The following CLSTN2 variants were observed in gnomAD, a reference collection of about 807,000 sequenced individuals.
CLSTN2 encodes calsyntenin-2.
A neutral mutation model predicts 101.2 loss-of-function variants in CLSTN2; 48 were observed. The ratio of observed to expected loss-of-function variants is 0.47; its 90% confidence interval spans 0.38 to 0.60. The LOEUF is 0.60. Ranked by LOEUF, CLSTN2 falls within the 20% of genes least tolerant of loss-of-function variation. The probability of loss-of-function intolerance (pLI) is 0.00; values close to 1 mark genes in which losing one functional copy is unlikely to be tolerated. For missense variants in CLSTN2, 1,160 were observed against 1,238.2 expected, an observed-to-expected ratio of 0.94 and a Z score of 0.95; for synonymous variants, 481 against 463.6, an observed-to-expected ratio of 1.04 and a Z score of -0.48.
intron 1 of CLSTN2, among the ~76,000 whole-genome samples, chr3:140,011,139 C>T (rs941027693): frequency 2.0e-5 from 3 of 152,198 alleles, no homozygotes; most frequent in African/African-American, 4.8e-5. Flanking sequence ...GGGACCCACC[C>T]CAGAGGGCTC....
chr3:140,448,086 G>A (rs1165583584), intron 5 of CLSTN2, among the ~76,000 whole-genome samples: 1 of 152,224 alleles, frequency 6.6e-6, no homozygotes, highest in African/African-American at 2.4e-5. Flanking sequence ...CCTCTGGTGT[G>A]TTGTTGTGAA....
chr3:140,006,106 G>C (rs1219131131), intron 1 of CLSTN2, among the ~76,000 whole-genome samples: 1 of 152,168 alleles, frequency 6.6e-6, no homozygotes, highest in African/African-American at 2.4e-5. Context: ...AGAGCTTCCA[G>C]TTTAATCCAC....
At position 140,304,985 on chromosome 3, in the gene CLSTN2, C is replaced by T. The variant is rs377009108; in HGVS notation, c.233-98644C>T. ...GAGGCGAGCTATGCATGATAGTTTG[C>T]TTCTCCCTGGAGGACATAGCTGTCA... On this transcript the variant is annotated intron_variant, in intron 2 of 16. Coordinates refer to ENST00000458420, the MANE Select transcript of CLSTN2 (RefSeq NM_022131.3). Among the ~76,000 whole-genome samples the T allele has an allele frequency of 6.6e-5, 10 of 151,808 alleles. No individual in the cohort carries two copies. In the East Asian group the frequency reaches 1.7e-3, roughly 26 times the overall value.
chr3:140,467,033 C>T (rs1933724653), intron 8 of CLSTN2, among the ~76,000 whole-genome samples: 1 of 152,180 alleles, frequency 6.6e-6, no homozygotes. Flanking sequence ...CTCCTGATCC[C>T]CAGGCCCAGT....
At chr3:140,324,725 A>G (rs1425760790) in intron 2 of CLSTN2, among the ~76,000 whole-genome samples, 1 of 152,344 alleles carries the variant, frequency 6.6e-6, no homozygotes, top group Admixed American at 6.5e-5. Context: ...ATATCTTTCT[A>G]TTCCATCCAA....
intron 2 of CLSTN2, among the ~76,000 whole-genome samples, chr3:140,237,905 A>G (rs906696554): frequency 3.3e-5 from 5 of 152,164 alleles, no homozygotes; most frequent in Non-Finnish European, 7.4e-5. Flanking sequence ...GTTAACAATT[A>G]CTCAGTAATT....
chr3:140,114,478 C>T (rs1205546713), intron 1 of CLSTN2, among the ~76,000 whole-genome samples: 1 of 152,096 alleles, frequency 6.6e-6, no homozygotes, highest in African/African-American at 2.4e-5. Flanking sequence ...TTCTGTGAGT[C>T]TATCTAAAGC....
chr3:140,302,285 T>C (rs751740968), intron 2 of CLSTN2, among the ~76,000 whole-genome samples: 5 of 152,230 alleles, frequency 3.3e-5, no homozygotes, highest in Non-Finnish European at 7.3e-5. Flanking sequence ...GCTGTAATGC[T>C]GGAGACCACT....
At chr3:140,199,129 G>A (rs1029130910) in intron 2 of CLSTN2, among the ~76,000 whole-genome samples, 65 of 152,202 alleles carry the variant, frequency 4.3e-4, no homozygotes, top group African/African-American at 1.5e-3. Context: ...GTCTAGTCTC[G>A]GGCCTATCTT....
intron 1 of CLSTN2, among the ~76,000 whole-genome samples, chr3:139,999,839 C>A (rs1203590493): frequency 1.3e-5 from 2 of 151,946 alleles, no homozygotes; most frequent in South Asian, 2.1e-4. Flanking sequence ...CCTCTAGTCC[C>A]AGCTACTCAG....
intron 1 of CLSTN2, among the ~76,000 whole-genome samples, chr3:139,982,289 G>A (rs7642085): frequency 0.33 from 49,802 of 151,382 alleles, 10,109 homozygotes; most frequent in Non-Finnish European, 0.46. Flanking sequence ...TATACTTTAG[G>A]GGGGCTTTTT....
chr3:140,152,979 C>T (rs949396644), intron 1 of CLSTN2, among the ~76,000 whole-genome samples: 2 of 152,192 alleles, frequency 1.3e-5, no homozygotes, highest in Middle Eastern at 3.2e-3. Context: ...AATGGAATCC[C>T]GACTGGAGCC....
intron 4 of CLSTN2, among the ~76,000 whole-genome samples, chr3:140,420,297 A>C (rs2107990694): frequency 6.6e-6 from 1 of 152,262 alleles, no homozygotes; most frequent in South Asian, 2.1e-4. Flanking sequence ...CCGCCAAAAA[A>C]AAAAAAAGTA....
chr3:140,363,397 A>G (rs2087749735), intron 2 of CLSTN2, among the ~76,000 whole-genome samples: 1 of 152,240 alleles, frequency 6.6e-6, no homozygotes, highest in Admixed American at 6.5e-5. Context: ...GAAATGTTCT[A>G]AAATTGGATT....
intron 2 of CLSTN2, among the ~76,000 whole-genome samples, chr3:140,267,955 T>C (rs547294161): frequency 1.3e-5 from 2 of 152,174 alleles, no homozygotes; most frequent in African/African-American, 4.8e-5. Context: ...TATACCCACA[T>C]TGACATCCAT....
At chr3:140,045,580 T>G (rs2007860448) in intron 1 of CLSTN2, among the ~76,000 whole-genome samples, 1 of 152,208 alleles carries the variant, frequency 6.6e-6, no homozygotes, top group Non-Finnish European at 1.5e-5. Context: ...CGTTTGCTCT[T>G]GCTTCTCTAG....
At chr3:140,194,550 G>T (rs1038626449) in intron 2 of CLSTN2, among the ~76,000 whole-genome samples, 18 of 152,104 alleles carry the variant, frequency 1.2e-4, no homozygotes, top group African/African-American at 4.3e-4. Context: ...AGTTATTTCT[G>T]GTTTTGAGGT....
chr3:140,023,871 G>A (rs911132235), intron 1 of CLSTN2, among the ~76,000 whole-genome samples: 3 of 152,234 alleles, frequency 2.0e-5, no homozygotes, highest in Non-Finnish European at 4.4e-5. Context: ...CTGAGCCTGG[G>A]TGTGTCCTCC....
intron 2 of CLSTN2, among the ~76,000 whole-genome samples, chr3:140,375,117 G>A (rs1356577985): frequency 6.6e-6 from 1 of 152,196 alleles, no homozygotes; most frequent in Non-Finnish European, 1.5e-5. Flanking sequence ...GAGGGGAGAT[G>A]TAGTTGAGGG....
Sources: allele counts gnomAD v4.1 joint callset (sites outside exome capture counted in the v4.1 genomes callset), GRCh38; gene constraint gnomAD v4.1.1; transcripts MANE v1.5; gene names NCBI Gene and HGNC (gene_info 2026-07-23, HGNC 2026-07-21).